TCF12: variants seen among roughly 807,000 people sequenced by gnomAD.
TCF12 encodes the protein transcription factor 12.
TCF12 carries 45 observed loss-of-function variants against 86.0 expected under a neutral mutation model. That is an observed-to-expected ratio of 0.52 (90% CI 0.41 to 0.67). The LOEUF (loss-of-function observed/expected upper bound fraction) is 0.67. TCF12 is among the 30% of genes least tolerant of loss of function. TCF12 has a pLI of 0.00. For missense variants in TCF12, 881 were observed against 859.9 expected, an observed-to-expected ratio of 1.02 and a Z score of -0.31; for synonymous variants, 330 against 299.6, an observed-to-expected ratio of 1.10 and a Z score of -1.05.
chr15:57,243,325 G>A (rs2059714817), intron 12 of TCF12, 147 bp from the exon 13 acceptor site: 2 of 580,556 alleles, frequency 3.4e-6, no homozygotes. Context: ...TCTGTATGAT[G>A]AAACAGTCTA....
intron 19 of TCF12, among the ~76,000 whole-genome samples, chr15:57,277,498 G>A (rs1410683467): frequency 2.0e-5 from 3 of 151,784 alleles, no homozygotes; most frequent in South Asian, 2.1e-4. Context: ...GTGGGGTGGC[G>A]TGCGCAAGTA....
intron 16 of TCF12, among the ~76,000 whole-genome samples, chr15:57,257,297 A>C (rs923373528): frequency 3.9e-5 from 6 of 152,198 alleles, no homozygotes; most frequent in African/African-American, 1.4e-4. Flanking sequence ...GTTTTATTGA[A>C]GTAATTGGAA....
At chr15:57,170,769 AT>A (rs1567559801) in intron 6 of TCF12, among the ~76,000 whole-genome samples, 28 of 12,536 alleles carry the variant, frequency 2.2e-3, no homozygotes, top group African/African-American at 2.5e-3. Context: ...TTATATATAT[AT>A]TATATATAAT....
intron 5 of TCF12, among the ~76,000 whole-genome samples, chr15:57,134,701 C>G (rs1036564610): frequency 1.3e-5 from 2 of 152,026 alleles, no homozygotes; most frequent in Non-Finnish European, 2.9e-5. Flanking sequence ...GAATCAGATA[C>G]AATTAAGACT....
intron 13 of TCF12, among the ~76,000 whole-genome samples, chr15:57,244,204 G>A (rs564432059): frequency 2.6e-5 from 4 of 152,048 alleles, no homozygotes; most frequent in Non-Finnish European, 5.9e-5. Flanking sequence ...TTATAAGATA[G>A]CATGTAAAAT....
chr15:57,253,054 G>C (rs2060192193), intron 15 of TCF12, among the ~76,000 whole-genome samples: 1 of 148,084 alleles, frequency 6.8e-6, no homozygotes. Context: ...GCAGTGATTT[G>C]TTTCTGAAGC....
chr15:57,274,502 A>C (rs1392656558), intron 19 of TCF12, among the ~76,000 whole-genome samples: 3 of 152,236 alleles, frequency 2.0e-5, no homozygotes, highest in Admixed American at 2.0e-4. Flanking sequence ...TGTGATATCC[A>C]TAAGGAGGCA....
intron 3 of TCF12, among the ~76,000 whole-genome samples, chr15:57,029,514 T>G (rs2066020501): frequency 6.6e-6 from 1 of 152,216 alleles, no homozygotes; most frequent in Non-Finnish European, 1.5e-5. Context: ...TCCTCCACCT[T>G]ATTACTTGGA....
intron 3 of TCF12, among the ~76,000 whole-genome samples, chr15:56,960,905 T>A (rs1488618778): frequency 6.6e-6 from 1 of 151,798 alleles, no homozygotes; most frequent in Non-Finnish European, 1.5e-5. Flanking sequence ...TTTGGGAGGC[T>A]GAGGTGGGTG....
intron 3 of TCF12, among the ~76,000 whole-genome samples, chr15:57,014,282 C>T (rs1335937463): frequency 6.6e-6 from 1 of 152,006 alleles, no homozygotes; most frequent in Admixed American, 6.6e-5. Context: ...CCATTTGCAC[C>T]CTGATGATGG....
intron 18 of TCF12, among the ~76,000 whole-genome samples, chr15:57,266,361 AGCC>A (rs2060871997): frequency 6.6e-6 from 1 of 152,090 alleles, no homozygotes; most frequent in Non-Finnish European, 1.5e-5. Flanking sequence ...TACAGGCGTG[AGCC>A]ACTGCGCCTG....
intron 5 of TCF12, among the ~76,000 whole-genome samples, chr15:57,120,440 T>C (rs1202569165): frequency 3.9e-5 from 6 of 152,230 alleles, no homozygotes; most frequent in African/African-American, 1.2e-4. Context: ...AATAATTGTT[T>C]GTTGAACTGC....
At chr15:57,221,426 T>G (rs2058591529) in intron 8 of TCF12, among the ~76,000 whole-genome samples, 1 of 133,572 alleles carries the variant, frequency 7.5e-6, no homozygotes, top group East Asian at 2.1e-4. Context: ...GTGTATAAGT[T>G]CAGTAAAATT....
At chr15:57,235,449 G>A (rs957893506) in intron 12 of TCF12, among the ~76,000 whole-genome samples, 1 of 152,184 alleles carries the variant, frequency 6.6e-6, no homozygotes, top group South Asian at 2.1e-4. Context: ...ACCCTGATCA[G>A]ACCAGCTTCA....
In TCF12 at chr15:57,120,671, A is replaced by G. The variant is rs554716667; in HGVS notation, c.325+28780A>G. The stretch of plus-strand genomic sequence containing the variant: ...TTTTTTGCTATGCCCCACCATATCT[A>G]ATTTTACATATGGGACCTGTAAGAT... On this transcript the variant is annotated intron_variant, in intron 5 of 20. Transcript: ENST00000333725. 4.6e-5 allele frequency among the ~76,000 whole-genome samples: 7 copies of G among 152,330 alleles called. No homozygotes were observed. In the South Asian group the frequency reaches 1.5e-3, roughly 32 times the overall value.
chr15:57,012,015 A>C (rs1338233706), intron 3 of TCF12, among the ~76,000 whole-genome samples: 1 of 152,150 alleles, frequency 6.6e-6, no homozygotes, highest in South Asian at 2.1e-4. Flanking sequence ...AGGATCTCTG[A>C]ATCATTTATA....
chr15:57,094,026 C>T (rs1020743818), intron 5 of TCF12, among the ~76,000 whole-genome samples: 3 of 152,112 alleles, frequency 2.0e-5, no homozygotes, highest in Non-Finnish European at 2.9e-5. Context: ...AGCTGTCCTC[C>T]TTCCTTAGCA....
intron 3 of TCF12, among the ~76,000 whole-genome samples, chr15:56,965,979 C>CGGTA (rs2061983433): frequency 1.3e-5 from 2 of 151,990 alleles, no homozygotes; most frequent in Non-Finnish European, 2.9e-5. Flanking sequence ...TTTTCTAAAA[C>CGGTA]TTACCAAATA....
At chr15:57,235,466 G>T (rs1477283037) in intron 12 of TCF12, among the ~76,000 whole-genome samples, 1 of 152,164 alleles carries the variant, frequency 6.6e-6, no homozygotes, top group African/African-American at 2.4e-5. Context: ...TTCAGACTCT[G>T]CTCCTAACCA....
Sources: allele counts gnomAD v4.1 joint callset (sites outside exome capture counted in the v4.1 genomes callset), GRCh38; gene constraint gnomAD v4.1.1; transcripts MANE v1.5; gene names NCBI Gene and HGNC (gene_info 2026-07-23, HGNC 2026-07-21).